The following CACNA1C variants were observed in gnomAD, a reference collection of about 807,000 sequenced individuals.
CACNA1C encodes voltage-dependent L-type calcium channel subunit alpha-1C.
A neutral mutation model predicts 229.0 loss-of-function variants in CACNA1C; 30 were observed. The observed-to-expected ratio is 0.13, with a 90% CI of 0.10 to 0.18. The LOEUF (loss-of-function observed/expected upper bound fraction) is 0.18. Ranked by LOEUF, CACNA1C falls within the 10% of genes least tolerant of loss-of-function variation. The pLI is 1.00. For missense variants in CACNA1C, 1,658 were observed against 2,845.0 expected, an observed-to-expected ratio of 0.58 and a Z score of 9.49; for synonymous variants, 1,114 against 1,132.5, an observed-to-expected ratio of 0.98 and a Z score of 0.33.
At chr12:2,113,464 G>A (rs2082554529) in intron 1 of CACNA1C, among the ~76,000 whole-genome samples, 1 of 152,190 alleles carries the variant, frequency 6.6e-6, no homozygotes, top group South Asian at 2.1e-4. Context: ...TGAGGAGAGG[G>A]AGGGGGTCAA....
intron 1 of CACNA1C, among the ~76,000 whole-genome samples, chr12:2,025,891 C>T (rs1427099409): frequency 6.6e-6 from 1 of 152,320 alleles, no homozygotes; most frequent in African/African-American, 2.4e-5. Context: ...ACAGAGCAGA[C>T]AAAGACAAAT....
In CACNA1C at chr12:2,368,092, A is replaced by G. The variant is rs192906263; in HGVS notation, c.478-80884A>G. Among the ~76,000 whole-genome samples, 25 of 152,344 alleles carry G rather than the reference A, an allele frequency of 1.6e-4. No individual in the cohort carries two copies. The South Asian group carries it at 4.1e-3, about 25-fold the overall frequency. On this transcript the variant is annotated intron_variant, in intron 3 of 46. Transcript: ENST00000399655. ...AATATATCACATTGGTAAGTCAACTAAAAAATGCAGCATGCAATAAAACTC... is the reference window on the plus strand; with the variant it reads ...AATATATCACATTGGTAAGTCAACTGAAAAATGCAGCATGCAATAAAACTC...
At chr12:2,592,223 A>G (rs1218719670) in intron 18 of CACNA1C, among the ~76,000 whole-genome samples, 2 of 152,226 alleles carry the variant, frequency 1.3e-5, no homozygotes, top group East Asian at 1.9e-4. Flanking sequence ...ATTAATTTAC[A>G]GGCTTCGAGT....
Position 2,665,729 on chromosome 12 carries a change from C to G in CACNA1C, c.4526+21C>G. The G allele has an allele frequency of 6.2e-7, 1 of 1,607,186 alleles. No individual in the cohort carries two copies. The highest frequency in any genetic ancestry group is 8.5e-7 in the Non-Finnish European group (1 of 1,176,188). On this transcript the variant is annotated intron_variant, in intron 36 of 46. Coordinates refer to ENST00000399655, the MANE Select transcript of CACNA1C (RefSeq NM_000719.7). This position sits in a 1 kb window ranked among gnomAD's most constrained non-coding sequence, Gnocchi z 5.9. The stretch of plus-strand genomic sequence containing the variant: ...GCCAAGTAAGTTCCCAGAGGGAAAT[C>G]CTGATTCCCCAAGCTGAGAGAGGGT...
chr12:2,083,209 C>T (rs1293788791), intron 1 of CACNA1C, among the ~76,000 whole-genome samples: 2 of 152,226 alleles, frequency 1.3e-5, no homozygotes, highest in Non-Finnish European at 1.5e-5. Context: ...CTGATTTAAA[C>T]TGTCAGTGTT....
At chr12:2,652,180 C>T (rs537489618) in intron 32 of CACNA1C, among the ~76,000 whole-genome samples, 5 of 152,294 alleles carry the variant, frequency 3.3e-5, no homozygotes, top group Admixed American at 6.5e-5. Context: ...ATCTGGCCAT[C>T]GCCCTCCTCC....
At chr12:1,979,625 T>C (rs2035534969) in intron 1 of CACNA1C, among the ~76,000 whole-genome samples, 1 of 152,258 alleles carries the variant, frequency 6.6e-6, no homozygotes, top group Non-Finnish European at 1.5e-5. Context: ...TTCTCTTAAG[T>C]AAATAACTAC....
At chr12:2,159,324 G>A (rs551897310) in intron 3 of CACNA1C, among the ~76,000 whole-genome samples, 2 of 151,902 alleles carry the variant, frequency 1.3e-5, no homozygotes, top group African/African-American at 4.8e-5. Context: ...GCGAGACCCC[G>A]TCTCTACAGA....
intron 3 of CACNA1C, among the ~76,000 whole-genome samples, chr12:2,393,912 C>T (rs929433643): frequency 1.3e-5 from 2 of 151,630 alleles, no homozygotes; most frequent in Non-Finnish European, 2.9e-5. Flanking sequence ...TCAAGACCAG[C>T]CCGGGCAACA....
In CACNA1C at chr12:2,677,102, G is replaced by A. The variant is rs757629968; in HGVS notation, c.4837G>A (p.Val1613Ile). The A allele has an allele frequency of 1.9e-5, 30 of 1,613,180 alleles. No individual in the cohort carries two copies. Among genetic ancestry groups the A allele is most frequent in the Non-Finnish European group, 2.5e-5 (29 of 1,179,684 alleles). ...QVVPPAGDDEVTVGKFYATFL... is the reference protein window; with the variant it reads ...QVVPPAGDDEITVGKFYATFL... ...CTCTCCATACGTCTCAGATGATGAG[G>A]TCACCGTTGGCAAGTTCTACGCCAC... is the stretch of plus-strand genomic sequence containing the variant. Residue 1613 changes from valine to isoleucine, a missense_variant, in exon 40 of 47, where the codon GTC becomes ATC. Val to Ile is a conservative substitution (Grantham distance 29, BLOSUM62 3). Coordinates refer to ENST00000399655, the MANE Select transcript of CACNA1C (RefSeq NM_000719.7). The surrounding 1 kb of genome is among the most constrained non-coding windows in gnomAD (Gnocchi z 7.4).
intron 10 of CACNA1C, among the ~76,000 whole-genome samples, chr12:2,556,268 G>A (rs1294548544): frequency 6.6e-6 from 1 of 152,082 alleles, no homozygotes; most frequent in Admixed American, 6.5e-5. Flanking sequence ...GGACTTCCTT[G>A]AAGGTTCTGC....
In CACNA1C at chr12:2,029,762, C is replaced by A. The variant is rs2047926870; in HGVS notation, c.139+58561C>A. ...TTAGTAAGGGGCTAACACTGTGGTT[C>A]TATTATTTACAGAAAACTTGTTTCT... is the stretch of plus-strand genomic sequence containing the variant. On this transcript the variant is annotated intron_variant, in intron 1 of 46. Transcript: ENST00000682462. This position sits in a 1 kb window ranked among gnomAD's most constrained non-coding sequence, Gnocchi z 4.9. Among the ~76,000 whole-genome samples, 1 of 152,164 alleles carries A rather than the reference C, an allele frequency of 6.6e-6. No homozygotes were observed. Among genetic ancestry groups the A allele is most frequent in the Non-Finnish European group, 1.5e-5 (1 of 68,032 alleles).
At chr12:2,499,760 A>G (rs1388992480) in intron 7 of CACNA1C, among the ~76,000 whole-genome samples, 4 of 152,056 alleles carry the variant, frequency 2.6e-5, no homozygotes, top group African/African-American at 7.2e-5. Flanking sequence ...TAGAAGACCT[A>G]TCCCTTATTT....
chr12:2,363,732 G>A (rs372021042), intron 3 of CACNA1C, among the ~76,000 whole-genome samples: 963 of 53,970 alleles, frequency 0.018, 6 homozygotes, highest in African/African-American at 0.057. Context: ...ATCTCTTACA[G>A]CCTCTGGAGT....
chr12:2,462,673 C>T (rs2099518717), intron 5 of CACNA1C, among the ~76,000 whole-genome samples: 1 of 152,252 alleles, frequency 6.6e-6, no homozygotes, highest in East Asian at 1.9e-4. Context: ...AGAGCCACCC[C>T]ACCCACTAAA....
rs146355779 is a variant in CACNA1C at position 2,027,313 on chromosome 12, T to G, written c.139+56112T>G. 9.6e-3 allele frequency among the ~76,000 whole-genome samples: 1,464 copies of G among 152,322 alleles called. 21 individuals are homozygous for G. Among genetic ancestry groups the G allele is most frequent in the African/African-American group, 0.034 (1,409 of 41,578 alleles). On this transcript the variant is annotated intron_variant, in intron 1 of 46. Coordinates refer to the CACNA1C transcript ENST00000682462. Reference sequence around the variant, plus strand: ...TTGGTTAATTGGTTCAGATGCTACATTGTTTCCAAAGGAGATCAATCTTTC... The same window carrying G: ...TTGGTTAATTGGTTCAGATGCTACAGTGTTTCCAAAGGAGATCAATCTTTC...
At chr12:2,124,806 A>G (rs1359906401) in intron 3 of CACNA1C, among the ~76,000 whole-genome samples, 1 of 152,088 alleles carries the variant, frequency 6.6e-6, no homozygotes, top group African/African-American at 2.4e-5. Flanking sequence ...CTTCAGGAGG[A>G]AGGTCATATT....
intron 3 of CACNA1C, among the ~76,000 whole-genome samples, chr12:2,296,570 T>G (rs908933078): frequency 1.3e-5 from 2 of 152,162 alleles, no homozygotes; most frequent in Non-Finnish European, 2.9e-5. Context: ...CAGAATATCC[T>G]CACATGGGAC....
At chr12:2,591,892 A>G (rs2065532943) in intron 18 of CACNA1C, among the ~76,000 whole-genome samples, 1 of 152,168 alleles carries the variant, frequency 6.6e-6, no homozygotes, top group South Asian at 2.1e-4. Context: ...TTGTAGATGC[A>G]TCCCTCCAAT....
Sources: gnomAD v4.1 joint callset for allele counts (sites outside exome capture counted in the v4.1 genomes callset) on GRCh38, gnomAD v4.1.1 for gene constraint, Gnocchi (gnomAD v3.1) non-coding constraint, MANE v1.5 for transcripts, NCBI Gene and HGNC (gene_info 2026-07-23, HGNC 2026-07-21) for gene names.